The following EPC2 variants were observed in gnomAD, a reference collection of about 807,000 sequenced individuals.
EPC2 encodes enhancer of polycomb 2.
A neutral mutation model predicts 92.1 loss-of-function variants in EPC2; 14 were observed. The observed-to-expected ratio is 0.15, with a 90% CI of 0.10 to 0.24. The LOEUF is 0.24. EPC2 is among the 10% of genes least tolerant of loss of function. EPC2 has a pLI of 1.00. For synonymous variants in EPC2, 340 were observed against 334.7 expected, an observed-to-expected ratio of 1.02 and a Z score of -0.17; for missense variants, 755 against 971.5, an observed-to-expected ratio of 0.78 and a Z score of 2.96.
At chr2:148,666,898 G>T (rs999579493) in intron 1 of EPC2, among the ~76,000 whole-genome samples, 39 of 150,498 alleles carry the variant, frequency 2.6e-4, no homozygotes, top group African/African-American at 9.3e-4. Context: ...GGCTCAGGAG[G>T]TATTTCCTTC....
intron 1 of EPC2, among the ~76,000 whole-genome samples, chr2:148,656,740 A>C (rs1458773652): frequency 6.6e-6 from 1 of 152,238 alleles, no homozygotes; most frequent in Non-Finnish European, 1.5e-5. Context: ...CTTTAGACGC[A>C]GAAAGGAGTA....
At chr2:148,645,260 T>C in intron 1 of EPC2, 90 bp downstream of exon 1, 1 of 1,166,266 alleles carries the variant, frequency 8.6e-7, no homozygotes, top group Non-Finnish European at 1.2e-6. Context: ...CGCTTTACGC[T>C]CGCTGGAGGG....
intron 3 of EPC2, 35 bp from the exon 4 acceptor site, chr2:148,753,892 A>G: frequency 1.9e-6 from 3 of 1,565,438 alleles, no homozygotes; most frequent in Non-Finnish European, 2.6e-6. Context: ...TTTTGCAAAC[A>G]TTGTAGCCAA....
chr2:148,690,806 GCGTGTGCCAC>G (rs1681630297), intron 2 of EPC2, among the ~76,000 whole-genome samples: 1 of 152,074 alleles, frequency 6.6e-6, no homozygotes, highest in African/African-American at 2.4e-5. Flanking sequence ...GGGATTACAG[GCGTGTGCCAC>G]CACACCCAGC....
At chr2:148,709,041 G>A (rs1327919705) in intron 2 of EPC2, among the ~76,000 whole-genome samples, 1 of 152,212 alleles carries the variant, frequency 6.6e-6, no homozygotes, top group Non-Finnish European at 1.5e-5. Flanking sequence ...ATTAGGAAAA[G>A]AGGAAGTCAA....
intron 2 of EPC2, among the ~76,000 whole-genome samples, chr2:148,719,498 G>C (rs1318341514): frequency 6.6e-6 from 1 of 152,202 alleles, no homozygotes; most frequent in Non-Finnish European, 1.5e-5. Context: ...GGCTGCTGCA[G>C]TTTGCTGGAG....
At chr2:148,705,602 T>G (rs1681982357) in intron 2 of EPC2, among the ~76,000 whole-genome samples, 1 of 151,920 alleles carries the variant, frequency 6.6e-6, no homozygotes, top group Admixed American at 6.5e-5. Flanking sequence ...CTCATACAAC[T>G]GGGTGCCCCT....
In EPC2 at chr2:148,693,295, G is replaced by A. The variant is rs139463517; in HGVS notation, c.313+2922G>A. Among the ~76,000 whole-genome samples, 1,430 of 152,266 alleles carry A rather than the reference G, an allele frequency of 9.4e-3. 11 individuals carry two copies. Among genetic ancestry groups the A allele is most frequent in the Middle Eastern group, 0.065 (19 of 294 alleles). Reference sequence around the variant, plus strand: ...AAACATTGTAAAGTTGCCACAGTAGGATGGCCTTGTTCAGGTTCATCACAT... The same window carrying A: ...AAACATTGTAAAGTTGCCACAGTAGAATGGCCTTGTTCAGGTTCATCACAT... On this transcript the variant is annotated intron_variant, in intron 2 of 13. Transcript: ENST00000258484.
At chr2:148,713,201 T>C (rs1682188321) in intron 2 of EPC2, among the ~76,000 whole-genome samples, 1 of 152,192 alleles carries the variant, frequency 6.6e-6, no homozygotes, top group South Asian at 2.1e-4. Flanking sequence ...CAGAAGACAT[T>C]ATAGGAGATA....
chr2:148,756,813 G>C (rs925497965), intron 4 of EPC2, among the ~76,000 whole-genome samples: 52 of 152,338 alleles, frequency 3.4e-4, no homozygotes, highest in Non-Finnish European at 5.3e-4. Flanking sequence ...AGTTCTAGCT[G>C]CTCTACATAA....
chr2:148,653,139 A>G lies in EPC2; in HGVS notation c.153+7969A>G, dbSNP rs892172660. ...GTGTGTTTTATTCAGTACCCAAGAC[A>G]GGCAGGATAGCAATCCAGGTACTTC... On this transcript the variant is annotated intron_variant, in intron 1 of 13. Coordinates refer to ENST00000258484, the MANE Select transcript of EPC2 (RefSeq NM_015630.4). Among the ~76,000 whole-genome samples, 8 of 152,240 alleles carry G rather than the reference A, an allele frequency of 5.3e-5. No homozygotes were observed. In the East Asian group the frequency reaches 1.5e-3, roughly 29 times the overall value.
At chr2:148,720,789 C>G (rs569345594) in intron 2 of EPC2, among the ~76,000 whole-genome samples, 1 of 152,186 alleles carries the variant, frequency 6.6e-6, no homozygotes, top group Admixed American at 6.5e-5. Context: ...CCTGCTTTTC[C>G]TCATTCCCCG....
chr2:148,684,216 T>C (rs997804366), intron 1 of EPC2, among the ~76,000 whole-genome samples: 1 of 152,252 alleles, frequency 6.6e-6, no homozygotes, highest in African/African-American at 2.4e-5. Flanking sequence ...ATTGTTTTTT[T>C]TCTTGCTGAT....
intron 2 of EPC2, among the ~76,000 whole-genome samples, chr2:148,700,630 T>G (rs1681855030): frequency 1.3e-5 from 2 of 152,106 alleles, no homozygotes; most frequent in South Asian, 4.1e-4. Flanking sequence ...TGCTGTTTTG[T>G]TTATAATAGC....
chr2:148,753,826 T>A (rs549062395), intron 3 of EPC2, 101 bp from the exon 4 acceptor site: 1 of 789,970 alleles, frequency 1.3e-6, no homozygotes, highest in African/African-American at 1.7e-5. Flanking sequence ...TATCTGTTAG[T>A]AGTTATTGAA....
At chr2:148,763,521 A>G (rs537211917) in intron 6 of EPC2, among the ~76,000 whole-genome samples, 119 of 152,356 alleles carry the variant, frequency 7.8e-4, no homozygotes, top group Middle Eastern at 6.8e-3. Context: ...TTTACTCTGT[A>G]GCAAAATTTT....
At chr2:148,755,961 C>A (rs945045749) in intron 4 of EPC2, among the ~76,000 whole-genome samples, 7 of 152,164 alleles carry the variant, frequency 4.6e-5, no homozygotes, top group African/African-American at 1.7e-4. Flanking sequence ...GCAAAACAGA[C>A]CATTAGCAAT....
intron 1 of EPC2, among the ~76,000 whole-genome samples, chr2:148,688,603 A>G (rs1681578132): frequency 6.6e-6 from 1 of 152,176 alleles, no homozygotes; most frequent in Non-Finnish European, 1.5e-5. Context: ...CTTTGCATAT[A>G]TATGTATATC....
chr2:148,648,572 C>A (rs926256784), intron 1 of EPC2, among the ~76,000 whole-genome samples: 1 of 152,182 alleles, frequency 6.6e-6, no homozygotes, highest in Non-Finnish European at 1.5e-5. Flanking sequence ...CTGGGTGTCT[C>A]TGAACTGTGC....
Sources: gnomAD v4.1 joint callset for allele counts (sites outside exome capture counted in the v4.1 genomes callset) on GRCh38, gnomAD v4.1.1 for gene constraint, MANE v1.5 for transcripts, NCBI Gene and HGNC (gene_info 2026-07-23, HGNC 2026-07-21) for gene names.